MMACHC: variants seen among roughly 807,000 people sequenced by gnomAD.
The protein encoded by MMACHC is metabolism of cobalamin associated C, also known as cyanocobalamin reductase / alkylcobalamin dealkylase.
A neutral mutation model predicts 17.6 loss-of-function variants in MMACHC; 14 were observed. That is an observed-to-expected ratio of 0.80 (90% CI 0.53 to 1.25). MMACHC has a LOEUF of 1.25. Among genes scored for constraint, MMACHC ranks in the 50% most tolerant of loss-of-function variants. MMACHC has a pLI of 0.00. For synonymous variants in MMACHC, 151 were observed against 142.1 expected (o/e 1.06, Z -0.45); for missense variants, 392 against 364.5 (o/e 1.08, Z -0.62).
chr1:45,509,418 T>TTTTTC lies in MMACHC; in HGVS notation c.*207_*208insCTTTT. On this transcript the variant is annotated 3_prime_UTR_variant, in exon 4 of 4. Transcript: ENST00000401061. The stretch of plus-strand genomic sequence containing the variant: ...AATTCCCATCTGCCTTCAAATGAGT[T>TTTTTC]TTTTTTTTTTTTTTAGACAGAGTCT... 3 of 497,172 alleles carry TTTTTC rather than the reference T, an allele frequency of 6.0e-6. No homozygotes were observed. Among genetic ancestry groups the TTTTTC allele is most frequent in the Non-Finnish European group, 1.1e-5 (3 of 285,036 alleles). The allele number at this position is 497,172 out of a possible 1,614,324, so 30.8% of individuals were successfully genotyped here.
Position 45,508,212 on chromosome 1 carries a change from A to G in MMACHC, c.277A>G (p.Ser93Gly). The change falls in exon 3 of 4, where the codon AGC becomes GGC. Residue 93 changes from serine to glycine, a missense_variant and splice_region_variant. Transcript: ENST00000401061. ...VAYHLGRVRE[S>G]LPELQIEIIA... is the part of the protein sequence containing the mutation. ...CCCTCTATTTTGTCCACTGTTCCAG[A>G]GCCTCCCAGAGCTGCAGATAGAAAT... 1.2e-6 allele frequency: 2 copies of G among 1,614,122 alleles called. No individual in the cohort carries two copies. The highest frequency in any genetic ancestry group is 1.7e-6 in the Non-Finnish European group (2 of 1,179,996).
chr1:45,509,082 C>T lies in MMACHC; in HGVS notation c.716C>T (p.Pro239Leu), dbSNP rs1302848923. 3 of 1,612,956 alleles carry T rather than the reference C, an allele frequency of 1.9e-6. No individual in the cohort carries two copies. The African/African-American group carries it at 4.0e-5, about 22-fold the overall frequency. The change falls in exon 4 of 4, where the codon CCC becomes CTC. Residue 239 changes from proline to leucine, a missense_variant. Physicochemically the swap from Pro to Leu is moderately conservative, Grantham distance 98. Transcript: ENST00000401061. Reference sequence around the variant, plus strand: ...TTGGCCCTATTGGGCTTGGCTCAGCCCTCAGAGAAGCCTAGTTCTCCCTCC... The same window carrying T: ...TTGGCCCTATTGGGCTTGGCTCAGCTCTCAGAGAAGCCTAGTTCTCCCTCC... ...QRLALLGLAQPSEKPSSPSPD... is the reference protein window; with the variant it reads ...QRLALLGLAQLSEKPSSPSPD...
At chr1:45,501,957 G>A (rs1643554169) in intron 1 of MMACHC, among the ~76,000 whole-genome samples, 1 of 151,894 alleles carries the variant, frequency 6.6e-6, no homozygotes, top group South Asian at 2.1e-4. Context: ...TTTCTCACTT[G>A]GATTACTGTA....
At chr1:45,504,716 CTA>C (rs1339168911) in intron 1 of MMACHC, among the ~76,000 whole-genome samples, 2 of 151,998 alleles carry the variant, frequency 1.3e-5, no homozygotes, top group Admixed American at 6.6e-5. Flanking sequence ...CAAAGCAAGA[CTA>C]TCTCAAAAAA....
At position 45,509,086 on chromosome 1, in the gene MMACHC, A is replaced by G. The variant is rs764969563; in HGVS notation, c.720A>G (p.Ser240=). ...CCCTATTGGGCTTGGCTCAGCCCTC[A>G]GAGAAGCCTAGTTCTCCCTCCCCGG... ...RLALLGLAQP[S]EKPSSPSPDL... The change falls in exon 4 of 4, where the codon TCA becomes TCG. Residue 240 remains serine, a synonymous_variant. Coordinates refer to ENST00000401061, the MANE Select transcript of MMACHC (RefSeq NM_015506.3). 5.6e-6 allele frequency: 9 copies of G among 1,612,742 alleles called. No individual in the cohort carries two copies. Among genetic ancestry groups the G allele is most frequent in the Non-Finnish European group, 7.6e-6 (9 of 1,179,328 alleles).
At chr1:45,504,195 A>G (rs1570824837) in intron 1 of MMACHC, among the ~76,000 whole-genome samples, 1 of 152,186 alleles carries the variant, frequency 6.6e-6, no homozygotes, top group East Asian at 1.9e-4. Flanking sequence ...CGGGTGGATC[A>G]TCTGAGGTCA....
At chr1:45,504,589 G>A (rs1407808755) in intron 1 of MMACHC, among the ~76,000 whole-genome samples, 1 of 152,050 alleles carries the variant, frequency 6.6e-6, no homozygotes, top group African/African-American at 2.4e-5. Context: ...GCCAGGTGTG[G>A]TGGCTCACAC....
chr1:45,501,070 G>A (rs561550744), intron 1 of MMACHC, among the ~76,000 whole-genome samples: 1 of 152,188 alleles, frequency 6.6e-6, no homozygotes, highest in South Asian at 2.1e-4. Flanking sequence ...AAGCCTAGAA[G>A]GTTTGCATAG....
chr1:45,506,904 A>G (rs1433123209), intron 1 of MMACHC, among the ~76,000 whole-genome samples: 1 of 151,640 alleles, frequency 6.6e-6, no homozygotes, highest in African/African-American at 2.4e-5. Context: ...GCTCACGCCT[A>G]TATAATCCCA....
intron 2 of MMACHC, 93 bp from the exon 3 acceptor site, chr1:45,508,119 T>G (rs867262859): frequency 1.4e-6 from 2 of 1,476,986 alleles, no homozygotes; most frequent in African/African-American, 2.8e-5. Context: ...GACAGGACCA[T>G]GTTCACACAC....
intron 1 of MMACHC, among the ~76,000 whole-genome samples, chr1:45,506,952 G>T (rs930950188): frequency 2.5e-4 from 38 of 151,994 alleles, no homozygotes; most frequent in African/African-American, 8.4e-4. Context: ...TCCTAGCTGA[G>T]GCCAGGAGTT....
intron 2 of MMACHC, 126 bp from the exon 3 acceptor site, chr1:45,508,086 A>T: frequency 1.7e-6 from 2 of 1,202,080 alleles, no homozygotes; most frequent in Non-Finnish European, 2.5e-6. Context: ...CTCCCAAGTT[A>T]AGGTCATGTT....
chr1:45,509,393 A>C lies in MMACHC; in HGVS notation c.*178A>C. 1.6e-6 allele frequency: 1 copy of C among 632,464 alleles called. No individual in the cohort carries two copies. Among genetic ancestry groups the C allele is most frequent in the Non-Finnish European group, 2.6e-6 (1 of 383,904 alleles). The allele number at this position is 632,464 out of a possible 1,614,324, so 39.2% of individuals were successfully genotyped here. Reference sequence around the variant, plus strand: ...GCCAAGATAAAGGCCAGGGAACCAGAATTCCCATCTGCCTTCAAATGAGTT... The same window carrying C: ...GCCAAGATAAAGGCCAGGGAACCAGCATTCCCATCTGCCTTCAAATGAGTT... On this transcript the variant is annotated 3_prime_UTR_variant, in exon 4 of 4. Coordinates refer to ENST00000401061, the MANE Select transcript of MMACHC (RefSeq NM_015506.3).
In MMACHC at chr1:45,509,463, G is replaced by C. The variant is rs1257766470; in HGVS notation, c.*248G>C. On this transcript the variant is annotated 3_prime_UTR_variant, in exon 4 of 4. Transcript: ENST00000401061. ...GAGTCTTACTCTGTCACCTAGGCTG[G>C]AGTGCAGTGGCACAGTCTCTACTCA... The C allele has an allele frequency of 2.3e-6, 1 of 435,260 alleles. No homozygotes were observed. Among genetic ancestry groups the C allele is most frequent in the Non-Finnish European group, 4.0e-6 (1 of 251,668 alleles). The allele number at this position is 435,260 out of a possible 1,614,324, so 27.0% of individuals were successfully genotyped here.
rs1643685681 is a variant in MMACHC at position 45,509,064 on chromosome 1, T to A, written c.698T>A (p.Leu233Gln). ...FSTPPAQRLA[L>Q]LGLAQPSEKP... is the part of the protein sequence containing the mutation. Reference sequence around the variant, plus strand: ...ACTCCACCTGCCCAACGATTGGCCCTATTGGGCTTGGCTCAGCCCTCAGAG... The same window carrying A: ...ACTCCACCTGCCCAACGATTGGCCCAATTGGGCTTGGCTCAGCCCTCAGAG... Residue 233 changes from leucine to glutamine, a missense_variant, in exon 4 of 4, where the codon CTA becomes CAA. Coordinates refer to ENST00000401061, the MANE Select transcript of MMACHC (RefSeq NM_015506.3). 6.2e-7 allele frequency: 1 copy of A among 1,613,646 alleles called. No individual in the cohort carries two copies. The highest frequency in any genetic ancestry group is 1.3e-5 in the African/African-American group (1 of 74,902).
intron 1 of MMACHC, 136 bp from the exon 2 acceptor site, chr1:45,507,220 A>AC (rs765644599): frequency 2.1e-5 from 16 of 744,794 alleles, no homozygotes; most frequent in Non-Finnish European, 3.7e-5. Flanking sequence ...AAAATGCATC[A>AC]CATAGCGTCA....
chr1:45,507,456 G>C lies in MMACHC; in HGVS notation c.182G>C (p.Arg61Pro), dbSNP rs201777449. Residue 61 changes from arginine (R) to proline (P), a missense_variant, in exon 2 of 4, where the codon CGG (arginine) becomes CCG (proline). By Grantham distance (103) the Arg-to-Pro change is moderately radical. Coordinates refer to ENST00000401061, the MANE Select transcript of MMACHC (RefSeq NM_015506.3). ...CTCAGCACGCCTGCCATGTTTGACC[G>C]GGCCCTCAAGCCCTTCTTGCAGAGC... ...LVLSTPAMFD[R>P]ALKPFLQSCH... is the part of the protein sequence containing the mutation. 8 of 1,613,980 alleles carry C rather than the reference G, an allele frequency of 5.0e-6. No homozygotes were observed. The Admixed American group carries it at 1.0e-4, about 20-fold the overall frequency.
Position 45,509,554 on chromosome 1 carries a change from A to AC in MMACHC, c.*339_*340insC. 1 of 226,990 alleles carries AC rather than the reference A, an allele frequency of 4.4e-6. No individual in the cohort carries two copies. The highest frequency in any genetic ancestry group is 8.5e-6 in the Non-Finnish European group (1 of 117,314). The allele number at this position is 226,990 out of a possible 1,614,324, so 14.1% of individuals were successfully genotyped here. A position where few individuals can be genotyped will look rare whatever the true frequency, so the allele number is the denominator to read the frequency against. On this transcript the variant is annotated 3_prime_UTR_variant, in exon 4 of 4. Coordinates refer to ENST00000401061, the MANE Select transcript of MMACHC (RefSeq NM_015506.3). Reference sequence around the variant, plus strand: ...CAGCCTCCTGAGTAGCTGGGATGACAGGTGCCTGCCACTACACCTGGCTAA... The same window carrying AC: ...CAGCCTCCTGAGTAGCTGGGATGACACGGTGCCTGCCACTACACCTGGCTAA...
At chr1:45,503,334 G>C (rs894862249) in intron 1 of MMACHC, among the ~76,000 whole-genome samples, 1 of 151,848 alleles carries the variant, frequency 6.6e-6, no homozygotes, top group Non-Finnish European at 1.5e-5. Flanking sequence ...GGAGGTGGAG[G>C]TTGTGGTGAG....
Sources: allele counts gnomAD v4.1 joint callset (sites outside exome capture counted in the v4.1 genomes callset), GRCh38; gene constraint gnomAD v4.1.1; transcripts MANE v1.5; gene names NCBI Gene and HGNC (gene_info 2026-07-23, HGNC 2026-07-21).